The following CDK17 variants were observed in gnomAD, a reference collection of about 807,000 sequenced individuals.
CDK17 encodes the protein cyclin-dependent kinase 17.
In CDK17, 24 loss-of-function variants were observed where a neutral mutation model predicts 77.6. The observed-to-expected ratio is 0.31, with a 90% CI of 0.22 to 0.44. CDK17 has a LOEUF of 0.44. CDK17 is among the 20% of genes least tolerant of loss of function. The pLI is 1.00. For synonymous variants in CDK17, 203 were observed against 210.4 expected (o/e 0.96, Z 0.30); for missense variants, 429 against 622.5 (o/e 0.69, Z 3.31).
Position 96,282,491 on chromosome 12 carries a change from CT to C in CDK17, c.1456+17del. The C allele has an allele frequency of 6.5e-7, 1 of 1,535,054 alleles. No homozygotes were observed. Among genetic ancestry groups the C allele is most frequent in the Non-Finnish European group, 9.0e-7 (1 of 1,108,178 alleles). On this transcript the variant is annotated intron_variant, in intron 15 of 16. Transcript: ENST00000261211. Reference sequence around the variant, plus strand: ...AAATAAAAATAAAGCAGGGAAAACACTTTAGGATTTCTCTTACTTTCTGGTA... The same window carrying C: ...AAATAAAAATAAAGCAGGGAAAACACTTAGGATTTCTCTTACTTTCTGGTA...
At chr12:96,315,848 T>C (rs1170173760) in intron 3 of CDK17, among the ~76,000 whole-genome samples, 2 of 151,988 alleles carry the variant, frequency 1.3e-5, no homozygotes, top group Non-Finnish European at 2.9e-5. Context: ...AAGCCCTGGG[T>C]TTCTGAGTTA....
intron 1 of CDK17, among the ~76,000 whole-genome samples, chr12:96,345,299 G>C (rs756080065): frequency 1.3e-5 from 2 of 152,186 alleles, no homozygotes; most frequent in Admixed American, 6.5e-5. Flanking sequence ...ACACATGCAT[G>C]TATCTTTGTA....
intron 9 of CDK17, among the ~76,000 whole-genome samples, chr12:96,296,590 G>A (rs560803794): frequency 6.6e-6 from 1 of 152,272 alleles, no homozygotes; most frequent in South Asian, 2.1e-4. Context: ...ACATATTGTT[G>A]ACTAAGTTTG....
chr12:96,326,201 GA>G (rs1181111228), intron 2 of CDK17, among the ~76,000 whole-genome samples: 4 of 151,838 alleles, frequency 2.6e-5, no homozygotes, highest in Non-Finnish European at 4.4e-5. Flanking sequence ...GGAGAATATA[GA>G]AAAAAAATGG....
intron 1 of CDK17, among the ~76,000 whole-genome samples, chr12:96,363,449 CAA>C (rs34143645): frequency 0.78 from 86,604 of 110,674 alleles, 32,712 homozygotes; most frequent in East Asian, 0.81. Context: ...GACTTCGTCT[CAA>C]AAAAAAAAAA....
At chr12:96,297,073 A>G (rs1020353759) in intron 9 of CDK17, among the ~76,000 whole-genome samples, 197 bp downstream of exon 9, 5 of 152,194 alleles carry the variant, frequency 3.3e-5, no homozygotes, top group Non-Finnish European at 7.4e-5. Flanking sequence ...TTCTACAAAA[A>G]GGTCTGATCC....
chr12:96,358,840 AC>A (rs1953449216), intron 1 of CDK17, among the ~76,000 whole-genome samples: 3 of 16,796 alleles, frequency 1.8e-4, no homozygotes, highest in African/African-American at 7.4e-4. Context: ...GCCCGCCCCC[AC>A]CCCACCCCAC....
chr12:96,358,971 C>G (rs1953452345), intron 1 of CDK17, among the ~76,000 whole-genome samples: 1 of 143,684 alleles, frequency 7.0e-6, no homozygotes, highest in Non-Finnish European at 1.6e-5. Flanking sequence ...ACTGACTGGT[C>G]AGATGGCTTT....
intron 1 of CDK17, among the ~76,000 whole-genome samples, chr12:96,355,215 T>C (rs1310296435): frequency 1.3e-5 from 2 of 151,852 alleles, no homozygotes; most frequent in Non-Finnish European, 2.9e-5. Flanking sequence ...CTTCCTCTGC[T>C]TGGAATGCAT....
At chr12:96,294,449 G>A (rs1275066195) in intron 10 of CDK17, among the ~76,000 whole-genome samples, 2 of 151,824 alleles carry the variant, frequency 1.3e-5, no homozygotes, top group African/African-American at 4.8e-5. Context: ...CAGGCATGGT[G>A]GCGCATGCCT....
intron 1 of CDK17, among the ~76,000 whole-genome samples, chr12:96,359,079 A>T (rs1953454411): frequency 6.6e-6 from 1 of 151,208 alleles, no homozygotes. Flanking sequence ...TGTAAGATGT[A>T]TCACTCCATT....
chr12:96,342,640 T>C (rs1356929426), intron 1 of CDK17, among the ~76,000 whole-genome samples: 2 of 152,158 alleles, frequency 1.3e-5, no homozygotes, highest in Non-Finnish European at 2.9e-5. Flanking sequence ...ATTTCAATCA[T>C]GCTATAGGTT....
chr12:96,289,532 A>G (rs1021398618), intron 10 of CDK17, among the ~76,000 whole-genome samples: 3 of 152,194 alleles, frequency 2.0e-5, no homozygotes, highest in Non-Finnish European at 4.4e-5. Flanking sequence ...ATGTTTGAAT[A>G]CACCTGGTGA....
chr12:96,320,651 C>A (rs1470932503), intron 3 of CDK17, among the ~76,000 whole-genome samples: 1 of 151,786 alleles, frequency 6.6e-6, no homozygotes, highest in African/African-American at 2.4e-5. Context: ...AGAAATAACA[C>A]CGCATACCTA....
intron 13 of CDK17, among the ~76,000 whole-genome samples, chr12:96,285,179 C>G (rs1952231029): frequency 6.6e-6 from 1 of 152,072 alleles, no homozygotes; most frequent in African/African-American, 2.4e-5. Flanking sequence ...TTGGGAGAGA[C>G]ATGCAAAAAA....
intron 2 of CDK17, among the ~76,000 whole-genome samples, chr12:96,333,238 G>C (rs146109533): frequency 6.6e-6 from 1 of 151,970 alleles, no homozygotes; most frequent in African/African-American, 2.4e-5. Context: ...TCTGGCAAGA[G>C]GAACAACAGT....
intron 2 of CDK17, among the ~76,000 whole-genome samples, chr12:96,331,871 G>C (rs973621754): frequency 6.6e-6 from 1 of 152,168 alleles, no homozygotes. Flanking sequence ...CAAGAGACAA[G>C]TGATCAAAAA....
At chr12:96,393,631 G>A (rs1954112441) in intron 1 of CDK17, among the ~76,000 whole-genome samples, 1 of 152,066 alleles carries the variant, frequency 6.6e-6, no homozygotes, top group African/African-American at 2.4e-5. Context: ...CTATTTGGGA[G>A]GCTGAGGTGG....
At chr12:96,323,288 A>C (rs1455354909) in intron 3 of CDK17, among the ~76,000 whole-genome samples, 2 of 101,218 alleles carry the variant, frequency 2.0e-5, no homozygotes, top group Non-Finnish European at 4.0e-5. Flanking sequence ...AAAAAAACAA[A>C]AACAAACAAA....
Sources: allele counts gnomAD v4.1 joint callset (sites outside exome capture counted in the v4.1 genomes callset), GRCh38; gene constraint gnomAD v4.1.1; transcripts MANE v1.5; gene names NCBI Gene and HGNC (gene_info 2026-07-23, HGNC 2026-07-21).